The following SEMA6D variants were observed in gnomAD, a reference collection of about 807,000 sequenced individuals.
SEMA6D encodes semaphorin-6D.
Under a neutral mutation model 106.6 loss-of-function variants are expected in SEMA6D, and 35 were observed. The observed-to-expected ratio is 0.33, with a 90% confidence interval of 0.25 to 0.44. The LOEUF (loss-of-function observed/expected upper bound fraction) is 0.44, where lower values mean the gene tolerates loss of function less well. Among genes scored for constraint, SEMA6D ranks in the 20% least tolerant of loss-of-function variants. SEMA6D has a pLI of 1.00. For missense variants in SEMA6D, 1,185 were observed against 1,345.9 expected (o/e 0.88, Z 1.87); for synonymous variants, 499 against 487.7 (o/e 1.02, Z -0.31).
chr15:47,589,018 G>A (rs2076391292), intron 3 of SEMA6D, among the ~76,000 whole-genome samples: 1 of 152,124 alleles, frequency 6.6e-6, no homozygotes, highest in South Asian at 2.1e-4. Flanking sequence ...CCCCAACAAA[G>A]GATTATCCGG....
chr15:47,206,002 A>G (rs1249430126), intron 1 of SEMA6D, among the ~76,000 whole-genome samples: 2 of 152,158 alleles, frequency 1.3e-5, no homozygotes, highest in East Asian at 3.8e-4. Context: ...TGTAGACACA[A>G]CTGTACCTTT....
At chr15:47,562,709 A>G (rs2046116070) in intron 3 of SEMA6D, among the ~76,000 whole-genome samples, 2 of 152,120 alleles carry the variant, frequency 1.3e-5, no homozygotes. Context: ...TGGAAACTAG[A>G]AACTTCATAC....
At chr15:47,313,740 T>A (rs2036534189) in intron 1 of SEMA6D, among the ~76,000 whole-genome samples, 1 of 152,156 alleles carries the variant, frequency 6.6e-6, no homozygotes, top group Non-Finnish European at 1.5e-5. Context: ...AAAAACTAGC[T>A]GAGTATAGTG....
chr15:47,760,533 C>G, intron 3 of SEMA6D, 118 bp downstream of exon 3: 1 of 725,984 alleles, frequency 1.4e-6, no homozygotes, highest in Non-Finnish European at 2.3e-6. Flanking sequence ...TGCAAGTAGC[C>G]AGAAATATTC....
At chr15:47,276,609 T>C (rs1306984394) in intron 1 of SEMA6D, among the ~76,000 whole-genome samples, 2 of 152,164 alleles carry the variant, frequency 1.3e-5, no homozygotes, top group African/African-American at 4.8e-5. Context: ...TGTGAAGACC[T>C]ACTGCTCAGA....
intron 2 of SEMA6D, 73 bp from the exon 3 acceptor site, chr15:47,760,231 G>A: frequency 9.7e-7 from 1 of 1,033,128 alleles, no homozygotes. Context: ...AGTATATACA[G>A]CTAATCAATG....
intron 1 of SEMA6D, among the ~76,000 whole-genome samples, chr15:47,239,252 G>T (rs185771736): frequency 3.9e-4 from 60 of 152,204 alleles, no homozygotes; most frequent in African/African-American, 1.3e-3. Flanking sequence ...CCCCCAGATG[G>T]GACCGTGTAG....
At chr15:47,387,430 GTATTA>G (rs1322064475) in intron 1 of SEMA6D, among the ~76,000 whole-genome samples, 3 of 152,168 alleles carry the variant, frequency 2.0e-5, no homozygotes, top group African/African-American at 7.2e-5. Flanking sequence ...TTGTGACCTT[GTATTA>G]GTACCATAAA....
chr15:47,649,506 G>A (rs1444266719), intron 4 of SEMA6D, among the ~76,000 whole-genome samples: 7 of 152,208 alleles, frequency 4.6e-5, no homozygotes, highest in African/African-American at 7.2e-5. Flanking sequence ...GCCAGGTGTT[G>A]TGGCATGTGC....
chr15:47,350,493 C>G (rs1288591083), intron 1 of SEMA6D, among the ~76,000 whole-genome samples: 1 of 152,106 alleles, frequency 6.6e-6, no homozygotes, highest in Non-Finnish European at 1.5e-5. Context: ...ATGACAGCAG[C>G]AAACCACAGA....
At chr15:47,524,986 A>G (rs2044705639) in intron 3 of SEMA6D, among the ~76,000 whole-genome samples, 1 of 152,206 alleles carries the variant, frequency 6.6e-6, no homozygotes, top group South Asian at 2.1e-4. Context: ...CCCTTCCTAA[A>G]GAGGGACTGG....
At chr15:47,326,573 C>A (rs2143893484) in intron 1 of SEMA6D, among the ~76,000 whole-genome samples, 1 of 152,314 alleles carries the variant, frequency 6.6e-6, no homozygotes, top group South Asian at 2.1e-4. Context: ...TTAGTAAGTG[C>A]TGAGTTGTTT....
intron 1 of SEMA6D, among the ~76,000 whole-genome samples, chr15:47,327,158 A>C (rs1036926056): frequency 6.6e-6 from 1 of 152,210 alleles, no homozygotes; most frequent in Non-Finnish European, 1.5e-5. Context: ...CTTCTCGCTT[A>C]CTAGGTAGGT....
chr15:47,241,069 A>G (rs919254969), intron 1 of SEMA6D, among the ~76,000 whole-genome samples: 1 of 152,202 alleles, frequency 6.6e-6, no homozygotes, highest in African/African-American at 2.4e-5. Flanking sequence ...ATCTCCTAGC[A>G]AGGAAGGGAC....
intron 4 of SEMA6D, among the ~76,000 whole-genome samples, chr15:47,685,609 C>T (rs991385569): frequency 1.3e-5 from 2 of 152,176 alleles, no homozygotes; most frequent in African/African-American, 4.8e-5. Context: ...CCCTTCAAGA[C>T]ACCACAGAGC....
chr15:47,655,526 TTG>T lies in SEMA6D; in HGVS notation c.-55+54632_-55+54633del, dbSNP rs141592227. Among the ~76,000 whole-genome samples, 21 of 152,386 alleles carry T rather than the reference TTG, an allele frequency of 1.4e-4. No homozygotes were observed. The East Asian group carries it at 4.0e-3, about 29-fold the overall frequency. ...CAAGAAGTCCAAGAAAATCAATATC[TTG>T]TTTTAAGTGAGCATTGCACCTTATT... On this transcript the variant is annotated intron_variant, in intron 4 of 19. Coordinates refer to the SEMA6D transcript ENST00000558014.
At chr15:47,567,576 G>A (rs1169904127) in intron 3 of SEMA6D, among the ~76,000 whole-genome samples, 2 of 152,082 alleles carry the variant, frequency 1.3e-5, no homozygotes, top group Non-Finnish European at 2.9e-5. Context: ...ATCAGAATGT[G>A]ACCTCTTTGA....
chr15:47,511,421 T>C (rs1443206142), intron 3 of SEMA6D, among the ~76,000 whole-genome samples: 2 of 152,184 alleles, frequency 1.3e-5, no homozygotes, highest in African/African-American at 4.8e-5. Context: ...CACCTAGAGA[T>C]GTAGCATGAC....
At chr15:47,729,870 C>G (rs2080004768) in intron 1 of SEMA6D, among the ~76,000 whole-genome samples, 1 of 152,202 alleles carries the variant, frequency 6.6e-6, no homozygotes, top group Non-Finnish European at 1.5e-5. Context: ...AGCTGAGAGT[C>G]TGGAAGAACA....
Sources: allele counts gnomAD v4.1 joint callset (sites outside exome capture counted in the v4.1 genomes callset), GRCh38; gene constraint gnomAD v4.1.1; transcripts MANE v1.5; gene names NCBI Gene and HGNC (gene_info 2026-07-23, HGNC 2026-07-21).